TASP1: variants seen among roughly 807,000 people sequenced by gnomAD.
The protein encoded by TASP1 is threonine aspartase 1.
Under a neutral mutation model 56.6 loss-of-function variants are expected in TASP1, and 16 were observed. That is an observed-to-expected ratio of 0.28 (90% confidence interval 0.19 to 0.43). TASP1 has a LOEUF of 0.43. TASP1 is among the 20% of genes least tolerant of loss of function. TASP1 has a pLI of 1.00. For synonymous variants in TASP1, 179 were observed against 184.2 expected, an observed-to-expected ratio of 0.97 and a Z score of 0.23; for missense variants, 393 against 511.6, an observed-to-expected ratio of 0.77 and a Z score of 2.24.
the TASP1 span, among the ~76,000 whole-genome samples, chr20:13,343,529 C>A: frequency 2.0e-5 from 3 of 148,370 alleles, no homozygotes; most frequent in East Asian, 5.8e-4. Flanking sequence ...CTGCAGGCTG[C>A]GGTTCCACCG....
chr20:13,391,988 AG>A (rs2041307690), intron 13 of TASP1, among the ~76,000 whole-genome samples: 1 of 151,670 alleles, frequency 6.6e-6, no homozygotes, highest in South Asian at 2.1e-4. Flanking sequence ...AAAAAAAGAA[AG>A]AAAGAAGTGA....
intron 12 of TASP1, among the ~76,000 whole-genome samples, chr20:13,424,694 A>T (rs1283089112): frequency 6.6e-6 from 1 of 152,112 alleles, no homozygotes; most frequent in African/African-American, 2.4e-5. Flanking sequence ...TTTGGTAGTG[A>T]CTAGTAGCTG....
the TASP1 span, among the ~76,000 whole-genome samples, chr20:13,280,428 A>G: frequency 0.46 from 66,500 of 145,584 alleles, 16,080 homozygotes; most frequent in African/African-American, 0.65. Context: ...CTCCAAGTTG[A>G]GAGATCTGGT....
At chr20:13,403,264 T>G (rs565750363) in intron 13 of TASP1, among the ~76,000 whole-genome samples, 7 of 152,232 alleles carry the variant, frequency 4.6e-5, no homozygotes, top group Non-Finnish European at 8.8e-5. Context: ...TTTGTCAAAA[T>G]GTAATAACCA....
At chr20:13,390,571 C>T in intron 13 of TASP1, 119 bp from the exon 14 acceptor site, 1 of 781,584 alleles carries the variant, frequency 1.3e-6, no homozygotes, top group Non-Finnish European at 2.1e-6. Context: ...CATTTTGCTT[C>T]TGAGCATCCA....
chr20:13,421,968 T>G (rs1337441321), intron 12 of TASP1, among the ~76,000 whole-genome samples: 2 of 150,542 alleles, frequency 1.3e-5, no homozygotes, highest in African/African-American at 4.9e-5. Context: ...TTTTTTTTTT[T>G]TTTGACAGAG....
intron 13 of TASP1, among the ~76,000 whole-genome samples, chr20:13,415,444 C>CTTTTTTTTTTTTTTTTTTTTTT (rs368921864): frequency 7.5e-6 from 1 of 133,050 alleles, no homozygotes; most frequent in African/African-American, 2.8e-5. Context: ...TTGGGGTTTT[C>CTTTTTTTTTTTTTTTTTTTTTT]TTTTTTTTTT....
the TASP1 span, among the ~76,000 whole-genome samples, chr20:13,263,385 C>T: frequency 2.0e-5 from 3 of 151,828 alleles, no homozygotes; most frequent in Non-Finnish European, 4.4e-5. Context: ...CATCCATCTT[C>T]CTGAGCACTA....
chr20:13,422,699 A>C (rs2042487953), intron 12 of TASP1, among the ~76,000 whole-genome samples: 1 of 152,204 alleles, frequency 6.6e-6, no homozygotes, highest in African/African-American at 2.4e-5. Flanking sequence ...CAAAATCACC[A>C]TTAAAAAGTG....
intron 11 of TASP1, among the ~76,000 whole-genome samples, chr20:13,452,439 A>C (rs2043658824): frequency 6.6e-6 from 1 of 151,798 alleles, no homozygotes; most frequent in Non-Finnish European, 1.5e-5. Context: ...TTCCTGAAAA[A>C]CCTACAACTC....
At chr20:13,132,171 A>ATTTTTTTTTTT in the TASP1 span, among the ~76,000 whole-genome samples, 1 of 104,000 alleles carries the variant, frequency 9.6e-6, no homozygotes, top group African/African-American at 3.8e-5. Context: ...CCTTGCTTTA[A>ATTTTTTTTTTT]TTTTTTTTTT....
intron 1 of TASP1, among the ~76,000 whole-genome samples, chr20:13,636,195 G>T (rs1163459205): frequency 6.9e-6 from 1 of 145,574 alleles, no homozygotes; most frequent in Non-Finnish European, 1.5e-5. Flanking sequence ...ACCCAGGCTG[G>T]AGTGCAGTGG....
intron 7 of TASP1, among the ~76,000 whole-genome samples, chr20:13,565,852 C>CA (rs1013317975): frequency 2.0e-5 from 3 of 151,096 alleles, no homozygotes; most frequent in East Asian, 1.9e-4. Flanking sequence ...TCGGGGTACC[C>CA]AAAAAAAATG....
At chr20:13,121,989 AGTTTT>A in the TASP1 span, among the ~76,000 whole-genome samples, 1 of 152,184 alleles carries the variant, frequency 6.6e-6, no homozygotes, top group Non-Finnish European at 1.5e-5. Context: ...GATCAAAGGA[AGTTTT>A]GTTTTACTTC....
At chr20:13,162,825 C>G in the TASP1 span, among the ~76,000 whole-genome samples, 2 of 152,148 alleles carry the variant, frequency 1.3e-5, no homozygotes, top group Admixed American at 1.3e-4. Context: ...TCATCTCAGG[C>G]ACAAGCTCAA....
the TASP1 span, among the ~76,000 whole-genome samples, chr20:13,232,071 A>C: frequency 6.6e-6 from 1 of 152,248 alleles, no homozygotes. Flanking sequence ...AACAAATAAC[A>C]GACATGCCTT....
the TASP1 span, chr20:13,292,378 T>C: frequency 6.3e-7 from 1 of 1,596,258 alleles, no homozygotes; most frequent in Non-Finnish European, 8.5e-7. Context: ...GTTTAGGAAT[T>C]GAAGACACTT....
At chr20:13,372,990 A>G in the TASP1 span, among the ~76,000 whole-genome samples, 73,075 of 151,938 alleles carry the variant, frequency 0.48, 19,183 homozygotes, top group Non-Finnish European at 0.58. Flanking sequence ...CTAACAATAC[A>G]TCATTATAAT....
downstream of TASP1, among the ~76,000 whole-genome samples, chr20:13,385,146 C>T (rs750065795): frequency 6.6e-6 from 1 of 152,226 alleles, no homozygotes; most frequent in Admixed American, 6.5e-5. Flanking sequence ...CCATGGCATG[C>T]ACGTCGTGAA....
Sources: gnomAD v4.1 joint callset for allele counts (sites outside exome capture counted in the v4.1 genomes callset) on GRCh38, gnomAD v4.1.1 for gene constraint, MANE v1.5 for transcripts, NCBI Gene and HGNC (gene_info 2026-07-23, HGNC 2026-07-21) for gene names.